The following PLEKHN1 variants were observed in gnomAD, a reference collection of about 807,000 sequenced individuals.
PLEKHN1 encodes pleckstrin homology domain-containing family N member 1.
In PLEKHN1, 68 loss-of-function variants were observed where a neutral mutation model predicts 72.8. The observed-to-expected ratio is 0.93, with a 90% CI of 0.77 to 1.14. The LOEUF (loss-of-function observed/expected upper bound fraction) is 1.14, where lower values mean the gene tolerates loss of function less well. Ranked by LOEUF, PLEKHN1 falls within the 50% of genes most tolerant of loss-of-function variation. PLEKHN1 has a pLI of 0.00. For synonymous variants in PLEKHN1, 454 were observed against 371.6 expected (o/e 1.22, Z -2.55); for missense variants, 1,015 against 840.5 (o/e 1.21, Z -2.57).
Position 970,441 on chromosome 1 carries a change from T to TGGAGCA in PLEKHN1, c.330+19_330+24dup, listed in dbSNP as rs754556821. 3.1e-6 allele frequency: 5 copies of TGGAGCA among 1,612,996 alleles called. No individual in the cohort carries two copies. The highest frequency in any genetic ancestry group is 4.2e-6 in the Non-Finnish European group (5 of 1,179,880). On this transcript the variant is annotated intron_variant, in intron 3 of 15. Transcript: ENST00000379410. This position sits in a 1 kb window ranked among gnomAD's most constrained non-coding sequence, Gnocchi z 4.2. Reference sequence around the variant, plus strand: ...ACAGCCAGGTGGGGGCCGGGCTGGGTGGAGCACGCTAAGGGTGCAGCATCC... The same window carrying TGGAGCA: ...ACAGCCAGGTGGGGGCCGGGCTGGGTGGAGCAGGAGCACGCTAAGGGTGCAGCATCC...
rs532484924 is a variant in PLEKHN1, at chr1:967,516, G to A, written c.183+713G>A. Among the ~76,000 whole-genome samples, 33 of 152,250 alleles carry A rather than the reference G, an allele frequency of 2.2e-4. 1 individual carries two copies. The highest frequency in any genetic ancestry group is 1.6e-3 in the Admixed American group (24 of 15,290). ...AGACAGGAACCCCCACTGCACCCCC[G>A]TCAGGCAGCCTGGATGGGTGGGCTC... On this transcript the variant is annotated intron_variant, in intron 2 of 15. Transcript: ENST00000379410.
intron 2 of PLEKHN1, among the ~76,000 whole-genome samples, chr1:968,736 C>T (rs1016930837): frequency 6.6e-6 from 1 of 152,296 alleles, no homozygotes; most frequent in East Asian, 1.9e-4. Flanking sequence ...AAAAGGAATT[C>T]TTGGAGCAGG....
intron 12 of PLEKHN1, 57 bp from the exon 13 acceptor site, chr1:973,443 G>A (rs28687780): frequency 0.16 from 259,020 of 1,595,174 alleles, 22,173 homozygotes; most frequent in Middle Eastern, 0.26. Context: ...CACAGAGAAG[G>A]GGTGGCCTAG....
chr1:972,761 G>A (rs546876934), intron 10 of PLEKHN1, 100 bp from the exon 11 acceptor site: 205 of 1,377,728 alleles, frequency 1.5e-4, no homozygotes, highest in Middle Eastern at 2.6e-4. Context: ...ATAAGACTTC[G>A]TCCCAAAAAG....
chr1:969,469 AGTGTGCATGTGTGCATGCATGT>A (rs1208113766), intron 2 of PLEKHN1, among the ~76,000 whole-genome samples: 1 of 151,730 alleles, frequency 6.6e-6, no homozygotes, highest in Middle Eastern at 3.2e-3. Flanking sequence ...GCATGTATGC[AGTGTGCATGTGTGCATGCATGT>A]GTGTGCATGT....
chr1:969,788 C>T (rs1436485043), intron 2 of PLEKHN1, among the ~76,000 whole-genome samples: 1 of 151,778 alleles, frequency 6.6e-6, no homozygotes, highest in Non-Finnish European at 1.5e-5. Context: ...TGCGTGTATG[C>T]ATTTATACAT....
rs976384795 is a variant in PLEKHN1 at position 966,947 on chromosome 1, C to G, written c.183+144C>G. 5.1e-5 allele frequency: 46 copies of G among 902,082 alleles called. No individual in the cohort carries two copies. The African/African-American group carries it at 7.7e-4, about 15-fold the overall frequency. The allele number at this position is 902,082 out of a possible 1,614,324, so 55.9% of individuals were successfully genotyped here. Reference sequence around the variant, plus strand: ...AGGTGAGGAGCCGACGCTGACTGCCCCGCCCTGGGGAGCTCATCCGGCCGA... The same window carrying G: ...AGGTGAGGAGCCGACGCTGACTGCCGCGCCCTGGGGAGCTCATCCGGCCGA... On this transcript the variant is annotated intron_variant, in intron 2 of 15. Coordinates refer to ENST00000379410, the MANE Select transcript of PLEKHN1 (RefSeq NM_032129.3).
intron 8 of PLEKHN1, among the ~76,000 whole-genome samples, chr1:971,691 C>T (rs1046254139): frequency 1.1e-4 from 17 of 152,190 alleles, no homozygotes; most frequent in Admixed American, 2.0e-4. Context: ...GCCCGTGAGG[C>T]GTGTGTGTGC....
chr1:970,325 CTGAG>C lies in PLEKHN1; in HGVS notation c.235_238del (p.Ser79CysfsTer11). 1.2e-6 allele frequency: 2 copies of C among 1,613,544 alleles called. No homozygotes were observed. Among genetic ancestry groups the C allele is most frequent in the African/African-American group, 2.7e-5 (2 of 74,986 alleles). On this transcript the variant is annotated frameshift_variant, in exon 3 of 16. Coordinates refer to ENST00000379410, the MANE Select transcript of PLEKHN1 (RefSeq NM_032129.3). LOFTEE classifies it high-confidence loss of function. The surrounding 1 kb of genome is among the most constrained non-coding windows in gnomAD (Gnocchi z 4.2). ...GCGAGAAAACCTGGAGCAGCCATTCCTGAGTGTGTTCAAGAAGGGGCGGCGGAGG... is the reference window on the plus strand; with the variant it reads ...GCGAGAAAACCTGGAGCAGCCATTCCTGTGTTCAAGAAGGGGCGGCGGAGG...
intron 8 of PLEKHN1, 128 bp downstream of exon 8, chr1:971,532 G>C (rs1025300964): frequency 6.7e-6 from 6 of 898,558 alleles, no homozygotes; most frequent in Admixed American, 2.1e-5. Context: ...TGCCCACCCA[G>C]CCCGCGGTCC....
intron 7 of PLEKHN1, 51 bp from the exon 8 acceptor site, chr1:971,273 G>A (rs1643313633): frequency 5.8e-6 from 9 of 1,555,234 alleles, no homozygotes; most frequent in Non-Finnish European, 7.8e-6. Context: ...GCAGGGCGGT[G>A]CAACAGCAGC....
At position 970,314 on chromosome 1, in the gene PLEKHN1, A is replaced by T. The variant is rs1445059692; in HGVS notation, c.221A>T (p.Glu74Val). The change falls in exon 3 of 16, where the codon GAG (glutamate) becomes GTG (valine). Residue 74 changes from glutamate (E) to valine (V), a missense_variant. Coordinates refer to ENST00000379410, the MANE Select transcript of PLEKHN1 (RefSeq NM_032129.3). This position sits in a 1 kb window ranked among gnomAD's most constrained non-coding sequence, Gnocchi z 4.2. ...LDLENQRENLEQPFLSVFKKG... is the reference protein window; with the variant it reads ...LDLENQRENLVQPFLSVFKKG... ...CTGGAGAACCAGCGAGAAAACCTGG[A>T]GCAGCCATTCCTGAGTGTGTTCAAG... is the stretch of plus-strand genomic sequence containing the variant. The T allele has an allele frequency of 6.2e-7, 1 of 1,613,322 alleles. No individual in the cohort carries two copies. Among genetic ancestry groups the T allele is most frequent in the Admixed American group, 1.7e-5 (1 of 60,010 alleles).
rs1232001081 is a variant in PLEKHN1 at position 972,914 on chromosome 1, C to A, written c.1056C>A (p.Asp352Glu). 3.2e-6 allele frequency: 5 copies of A among 1,560,402 alleles called. No homozygotes were observed. Among genetic ancestry groups the A allele is most frequent in the Non-Finnish European group, 4.3e-6 (5 of 1,152,196 alleles). Reference sequence around the variant, plus strand: ...CCTCAGGCGGACAGACCAGCTGGGACTCGGGGTGCTTGGCGCCCCCCTCCA... The same window carrying A: ...CCTCAGGCGGACAGACCAGCTGGGAATCGGGGTGCTTGGCGCCCCCCTCCA... Reference protein sequence around the residue: ...SLSSGGQTSWDSGCLAPPSTR... With the variant: ...SLSSGGQTSWESGCLAPPSTR... The change falls in exon 11 of 16, where the codon GAC (aspartate) becomes GAA (glutamate). Residue 352 changes from aspartate to glutamate, a missense_variant. Coordinates refer to ENST00000379410, the MANE Select transcript of PLEKHN1 (RefSeq NM_032129.3).
chr1:967,843 T>C (rs1643092267), intron 2 of PLEKHN1, among the ~76,000 whole-genome samples: 1 of 152,186 alleles, frequency 6.6e-6, no homozygotes. Context: ...GGACATGCAG[T>C]GTGACCCTGG....
intron 8 of PLEKHN1, 46 bp from the exon 9 acceptor site, chr1:972,029 C>CG: frequency 6.3e-7 from 1 of 1,580,720 alleles, no homozygotes; most frequent in Non-Finnish European, 8.6e-7. Flanking sequence ...GGCGGGGCCC[C>CG]GGGGCTGCCC....
Position 974,658 on chromosome 1 carries a change from T to G in PLEKHN1, c.*83T>G. On this transcript the variant is annotated 3_prime_UTR_variant, in exon 16 of 16. Transcript: ENST00000379410. ...CCTCTAACCCACTTCAAATTACAAG[T>G]CAGGGTCTGAACCCAGTGTGATGGG... The G allele has an allele frequency of 1.3e-6, 2 of 1,489,622 alleles. No individual in the cohort carries two copies. The highest frequency in any genetic ancestry group is 1.8e-6 in the Non-Finnish European group (2 of 1,114,020). The allele number at this position is 1,489,622 out of a possible 1,614,324, so 92.3% of individuals were successfully genotyped here. A position where few individuals can be genotyped will look rare whatever the true frequency, so the allele number is the denominator to read the frequency against.
Position 973,193 on chromosome 1 carries a change from C to T in PLEKHN1, c.1160C>T (p.Ala387Val), listed in dbSNP as rs1193158397. ...GGTTTGTGGTCCCCACAGGACCAGGCCAACTCTGACCGTGCCAGCATTGGC... is the reference window on the plus strand; with the variant it reads ...GGTTTGTGGTCCCCACAGGACCAGGTCAACTCTGACCGTGCCAGCATTGGC... ...GCSSQHTPDQ[A>V]NSDRASIGRR... Residue 387 changes from alanine to valine, a missense_variant, in exon 12 of 16, where the codon GCC becomes GTC. Physicochemically the swap from Ala to Val is moderately conservative, Grantham distance 64 (BLOSUM62 0). Coordinates refer to ENST00000379410, the MANE Select transcript of PLEKHN1 (RefSeq NM_032129.3). 4 of 1,526,358 alleles carry T rather than the reference C, an allele frequency of 2.6e-6. No individual in the cohort carries two copies. Among genetic ancestry groups the T allele is most frequent in the South Asian group, 1.2e-5 (1 of 81,936 alleles). 94.6% of individuals were successfully genotyped at this position (1,526,358 alleles called of 1,614,324 possible).
In PLEKHN1 at chr1:970,858, C is replaced by T. The variant is rs994670299; in HGVS notation, c.485-21C>T. 17 of 1,611,976 alleles carry T rather than the reference C, an allele frequency of 1.1e-5. 1 individual carries two copies. The Middle Eastern group carries it at 4.9e-4, about 47-fold the overall frequency. On this transcript the variant is annotated intron_variant, in intron 5 of 15. Transcript: ENST00000379410. This position sits in a 1 kb window ranked among gnomAD's most constrained non-coding sequence, Gnocchi z 4.2. ...CGGAGCACGTGTGTGTATGTGTGTG[C>T]CCTCTCTGCCCTGCCCGCAGGCCCA...
intron 13 of PLEKHN1, 29 bp from the exon 14 acceptor site, chr1:973,804 C>T (rs1196340897): frequency 6.3e-7 from 1 of 1,599,030 alleles, no homozygotes. Context: ...TGGCTGCCAC[C>T]CAGGCCCCAG....
Sources: allele counts gnomAD v4.1 joint callset (sites outside exome capture counted in the v4.1 genomes callset), GRCh38; gene constraint gnomAD v4.1.1; non-coding constraint Gnocchi (gnomAD v3.1); transcripts MANE v1.5; gene names NCBI Gene and HGNC (gene_info 2026-07-23, HGNC 2026-07-21).